Variants in SMYD3 observed in about 807,000 individuals in gnomAD.
SMYD3 encodes the protein histone-lysine N-methyltransferase SMYD3.
In SMYD3, 36 loss-of-function variants were observed where a neutral mutation model predicts 57.7. That is an observed-to-expected ratio of 0.62 (90% CI 0.48 to 0.82). SMYD3 has a LOEUF of 0.82. SMYD3 is among the 40% of genes least tolerant of loss of function. The probability of loss-of-function intolerance (pLI) is 0.00; values close to 1 mark genes in which losing one functional copy is unlikely to be tolerated. For missense variants in SMYD3, 515 were observed against 538.8 expected, an observed-to-expected ratio of 0.96 and a Z score of 0.44; for synonymous variants, 211 against 195.0, an observed-to-expected ratio of 1.08 and a Z score of -0.68.
intron 5 of SMYD3, among the ~76,000 whole-genome samples, chr1:246,006,828 G>A (rs1369987735): frequency 2.0e-5 from 3 of 152,144 alleles, no homozygotes; most frequent in African/African-American, 7.2e-5. Context: ...TAATCGCGGG[G>A]CTATTGAAGA....
chr1:245,901,373 T>C (rs1197490688), intron 8 of SMYD3, among the ~76,000 whole-genome samples: 20 of 152,210 alleles, frequency 1.3e-4, no homozygotes, highest in Admixed American at 1.3e-3. Flanking sequence ...CAAAGTAAGA[T>C]TTCTTTAGAC....
At chr1:246,267,635 C>T (rs979403757) in intron 5 of SMYD3, among the ~76,000 whole-genome samples, 1 of 152,170 alleles carries the variant, frequency 6.6e-6, no homozygotes, top group Non-Finnish European at 1.5e-5. Context: ...TGTTGAAATC[C>T]TGTCATTCTT....
rs2065113807 is a variant in SMYD3, at chr1:246,313,611, C to T, written c.531+13590G>A. Among the ~76,000 whole-genome samples the T allele has an allele frequency of 2.6e-5, 4 of 152,246 alleles. No individual in the cohort carries two copies. In the South Asian group the frequency reaches 8.3e-4, roughly 32 times the overall value. ...TGTCAATCAAAACTTGAAATAGCGC[C>T]CATGACTGCCAAGTCTGGTCACATG... On this transcript the variant is annotated intron_variant, in intron 5 of 11. Transcript: ENST00000490107.
At chr1:245,960,797 A>G (rs898454464) in intron 5 of SMYD3, among the ~76,000 whole-genome samples, 2 of 152,258 alleles carry the variant, frequency 1.3e-5, no homozygotes, top group Non-Finnish European at 2.9e-5. Flanking sequence ...GAATTTATAG[A>G]ATCGTTACAC....
At chr1:246,230,813 C>G (rs2063398264) in intron 5 of SMYD3, among the ~76,000 whole-genome samples, 1 of 152,142 alleles carries the variant, frequency 6.6e-6, no homozygotes, top group Non-Finnish European at 1.5e-5. Flanking sequence ...GTGTTTAGTG[C>G]AAGAGAAAGA....
chr1:246,155,999 A>T (rs540473600), intron 5 of SMYD3, among the ~76,000 whole-genome samples: 40 of 152,112 alleles, frequency 2.6e-4, no homozygotes, highest in East Asian at 7.7e-4. Context: ...AAAAAAAAAA[A>T]ATATATCGAC....
At chr1:246,200,020 G>C (rs2062886478) in intron 5 of SMYD3, among the ~76,000 whole-genome samples, 1 of 151,396 alleles carries the variant, frequency 6.6e-6, no homozygotes, top group African/African-American at 2.4e-5. Context: ...GAAGATAGAA[G>C]AGAACAGTGT....
intron 5 of SMYD3, among the ~76,000 whole-genome samples, chr1:246,110,477 G>C (rs2061214366): frequency 6.6e-6 from 1 of 152,108 alleles, no homozygotes; most frequent in Non-Finnish European, 1.5e-5. Flanking sequence ...TGTGTGTCTC[G>C]GCTGCTTGTT....
chr1:245,837,250 AAGAAG>A (rs1210397975), intron 10 of SMYD3, among the ~76,000 whole-genome samples: 4 of 144,820 alleles, frequency 2.8e-5, no homozygotes, highest in African/African-American at 1.0e-4. Flanking sequence ...AAAAAAAAAA[AAGAAG>A]AAGAAGAAGA....
At chr1:245,804,304 T>C (rs916209034) in intron 10 of SMYD3, among the ~76,000 whole-genome samples, 1 of 152,116 alleles carries the variant, frequency 6.6e-6, no homozygotes, top group Non-Finnish European at 1.5e-5. Context: ...AATTAATGTG[T>C]TAAAACTTAA....
intron 10 of SMYD3, among the ~76,000 whole-genome samples, chr1:245,832,791 A>G (rs1054675137): frequency 6.6e-6 from 1 of 152,182 alleles, no homozygotes; most frequent in African/African-American, 2.4e-5. Flanking sequence ...CTGTAAAGAA[A>G]TATTCAAGTT....
chr1:246,190,406 G>A (rs2148323243), intron 5 of SMYD3, among the ~76,000 whole-genome samples: 1 of 152,032 alleles, frequency 6.6e-6, no homozygotes, highest in East Asian at 1.9e-4. Flanking sequence ...CCAATATGGT[G>A]AAACCCCGTC....
intron 5 of SMYD3, among the ~76,000 whole-genome samples, chr1:246,018,963 A>G (rs916252313): frequency 6.6e-6 from 1 of 152,096 alleles, no homozygotes; most frequent in East Asian, 1.9e-4. Context: ...CTTTGGCTTA[A>G]ATGTTGCAGA....
chr1:246,499,132 A>G (rs1028217310), intron 1 of SMYD3, among the ~76,000 whole-genome samples: 80 of 151,830 alleles, frequency 5.3e-4, no homozygotes, highest in African/African-American at 1.7e-3. Flanking sequence ...ATGTAAAGCA[A>G]TGCAATTCTC....
At chr1:246,246,219 T>G (rs1340848398) in intron 5 of SMYD3, among the ~76,000 whole-genome samples, 1 of 152,188 alleles carries the variant, frequency 6.6e-6, no homozygotes, top group Non-Finnish European at 1.5e-5. Flanking sequence ...AAAAAATTAA[T>G]AAAACGTTCT....
intron 1 of SMYD3, among the ~76,000 whole-genome samples, chr1:246,368,555 C>A (rs1346440366): frequency 6.6e-6 from 1 of 152,120 alleles, no homozygotes; most frequent in Admixed American, 6.5e-5. Context: ...GTCTTAATTA[C>A]CTAAAAGTCT....
Position 246,195,127 on chromosome 1 carries a change from T to C in SMYD3, c.531+132074A>G, listed in dbSNP as rs61709271. The stretch of plus-strand genomic sequence containing the variant: ...TTTTGCACATATGACATAATACTTG[T>C]AGTTGCCTGGAAATTTATTGGCCCA... On this transcript the variant is annotated intron_variant, in intron 5 of 11. Coordinates refer to ENST00000490107, the MANE Select transcript of SMYD3 (RefSeq NM_001167740.2). Among the ~76,000 whole-genome samples, 590 of 152,274 alleles carry C rather than the reference T, an allele frequency of 3.9e-3. 5 individuals carry two copies. The highest frequency in any genetic ancestry group is 0.014 in the African/African-American group (568 of 41,566).
chr1:246,002,994 C>T (rs1313860673), intron 5 of SMYD3, among the ~76,000 whole-genome samples: 5 of 152,018 alleles, frequency 3.3e-5, no homozygotes, highest in African/African-American at 1.2e-4. Context: ...TTTACCACCG[C>T]ACGATGTAAG....
chr1:245,886,687 T>C (rs1463187778), intron 8 of SMYD3, among the ~76,000 whole-genome samples: 1 of 152,210 alleles, frequency 6.6e-6, no homozygotes. Flanking sequence ...TTCTTCTGGG[T>C]GTAATGATGT....
Sources: gnomAD v4.1 joint callset for allele counts (sites outside exome capture counted in the v4.1 genomes callset) on GRCh38, gnomAD v4.1.1 for gene constraint, MANE v1.5 for transcripts, NCBI Gene and HGNC (gene_info 2026-07-23, HGNC 2026-07-21) for gene names.